XKR6: variants seen among roughly 807,000 people sequenced by gnomAD.
XKR6 encodes the protein XK related 6.
Under a neutral mutation model 56.7 loss-of-function variants are expected in XKR6, and 22 were observed. The ratio of observed to expected loss-of-function variants is 0.39; its 90% CI spans 0.28 to 0.55. XKR6 has a LOEUF of 0.55. Ranked by LOEUF, XKR6 falls within the 20% of genes least tolerant of loss-of-function variation. XKR6 has a pLI of 0.66. For synonymous variants in XKR6, 524 were observed against 387.8 expected (o/e 1.35, Z -4.13); for missense variants, 852 against 889.0 (o/e 0.96, Z 0.53).
intron 1 of XKR6, among the ~76,000 whole-genome samples, chr8:11,191,796 C>T (rs1056819635): frequency 5.9e-5 from 9 of 151,522 alleles, no homozygotes; most frequent in Admixed American, 2.0e-4. Flanking sequence ...GGAGAAAAAA[C>T]CCACAAGCAA....
intron 1 of XKR6, among the ~76,000 whole-genome samples, chr8:11,042,551 G>A (rs1260754724): frequency 1.3e-5 from 2 of 152,166 alleles, no homozygotes; most frequent in Non-Finnish European, 2.9e-5. Context: ...AAGCCTCCCA[G>A]CCAGGTGGAA....
At chr8:11,054,786 G>A (rs1799639544) in intron 1 of XKR6, among the ~76,000 whole-genome samples, 1 of 152,214 alleles carries the variant, frequency 6.6e-6, no homozygotes, top group Admixed American at 6.5e-5. Flanking sequence ...CGAGGGCGGG[G>A]GCTGCCAGGG....
At chr8:11,161,347 T>C (rs1801797232) in intron 1 of XKR6, among the ~76,000 whole-genome samples, 1 of 152,182 alleles carries the variant, frequency 6.6e-6, no homozygotes, top group Non-Finnish European at 1.5e-5. Context: ...CACAAAGCTA[T>C]CCATACCCTC....
At chr8:11,084,950 T>A (rs1037476240) in intron 1 of XKR6, among the ~76,000 whole-genome samples, 4 of 152,096 alleles carry the variant, frequency 2.6e-5, no homozygotes, top group African/African-American at 9.7e-5. Context: ...AAGAACAGCA[T>A]CCAAGGTGCA....
At chr8:11,054,724 G>A (rs1586483757) in intron 1 of XKR6, among the ~76,000 whole-genome samples, 1 of 152,242 alleles carries the variant, frequency 6.6e-6, no homozygotes, top group East Asian at 1.9e-4. Flanking sequence ...GTGGGAAGGA[G>A]GAAGGAAGTG....
chr8:10,917,797 A>C (rs186702294), intron 2 of XKR6, among the ~76,000 whole-genome samples: 7 of 152,294 alleles, frequency 4.6e-5, no homozygotes, highest in African/African-American at 1.7e-4. Flanking sequence ...CCTCTCACTA[A>C]CTGAGTCCGT....
intron 2 of XKR6, among the ~76,000 whole-genome samples, chr8:10,916,197 G>A (rs1017321520): frequency 2.6e-5 from 4 of 152,340 alleles, no homozygotes; most frequent in South Asian, 2.1e-4. Context: ...ATGCAATGTC[G>A]TTTGACGTAG....
chr8:11,099,199 G>A (rs1461286994), intron 1 of XKR6, among the ~76,000 whole-genome samples: 4 of 152,146 alleles, frequency 2.6e-5, no homozygotes, highest in Non-Finnish European at 5.9e-5. Context: ...TCTCTTAGCT[G>A]GGTACAGCAG....
At chr8:11,136,836 A>C (rs1800427063) in intron 1 of XKR6, 1 of 152,170 alleles carries the variant, frequency 6.6e-6, no homozygotes, top group African/African-American at 2.4e-5. Flanking sequence ...TAAAAGCCCA[A>C]ACTAAGATAC....
chr8:11,103,648 A>T (rs1214203166), intron 1 of XKR6, among the ~76,000 whole-genome samples: 1 of 152,170 alleles, frequency 6.6e-6, no homozygotes, highest in African/African-American at 2.4e-5. Flanking sequence ...CTAAGGGAGA[A>T]CTTCTGAGAT....
rs75375036 is a variant in XKR6, at chr8:11,039,635, G to C, written c.765-114805C>G. ...CAAGACCTTCTGGTGCGAGAGGGGA[G>C]AGCCCGGCGGTAACAGTTCCAGCCT... is the stretch of plus-strand genomic sequence containing the variant. On this transcript the variant is annotated intron_variant, in intron 1 of 2. Coordinates refer to ENST00000416569, the MANE Select transcript of XKR6 (RefSeq NM_173683.4). 8.2e-3 allele frequency among the ~76,000 whole-genome samples: 1,246 copies of C among 152,348 alleles called. 18 individuals carry two copies. The highest frequency in any genetic ancestry group is 0.029 in the African/African-American group (1,187 of 41,584).
intron 1 of XKR6, among the ~76,000 whole-genome samples, chr8:11,162,454 A>T (rs754194350): frequency 1.1e-4 from 16 of 152,226 alleles, no homozygotes; most frequent in Non-Finnish European, 1.5e-4. Context: ...TGGAAGGAAA[A>T]ACAAAACAAA....
chr8:11,115,186 ATG>A (rs1430128016), intron 1 of XKR6, among the ~76,000 whole-genome samples: 1 of 152,200 alleles, frequency 6.6e-6, no homozygotes, highest in Non-Finnish European at 1.5e-5. Flanking sequence ...GTTGCTGTCA[ATG>A]ACCTCAACTC....
chr8:10,951,539 C>G (rs1005950978), intron 1 of XKR6, among the ~76,000 whole-genome samples: 1 of 152,246 alleles, frequency 6.6e-6, no homozygotes, highest in Non-Finnish European at 1.5e-5. Context: ...CACTGCGTGG[C>G]TTCTTTCTGA....
At chr8:11,068,828 C>T (rs190123395) in intron 1 of XKR6, among the ~76,000 whole-genome samples, 3 of 152,178 alleles carry the variant, frequency 2.0e-5, no homozygotes, top group African/African-American at 2.4e-5. Flanking sequence ...CCTGCCCCCT[C>T]GGTGCCTGCT....
At chr8:10,976,080 G>A (rs1272534191) in intron 1 of XKR6, among the ~76,000 whole-genome samples, 1 of 152,074 alleles carries the variant, frequency 6.6e-6, no homozygotes, top group Non-Finnish European at 1.5e-5. Context: ...GGAGGCTGAG[G>A]CAGGAGAATG....
chr8:10,956,351 G>T lies in XKR6; in HGVS notation c.765-31521C>A, dbSNP rs572447415. 3.9e-5 allele frequency among the ~76,000 whole-genome samples: 6 copies of T among 152,170 alleles called. No individual in the cohort carries two copies. The South Asian group carries it at 1.2e-3, about 32-fold the overall frequency. On this transcript the variant is annotated intron_variant, in intron 1 of 2. Transcript: ENST00000416569. ...CGGGATGTGGTGGGGGTGGACACTA[G>T]TGGCTTGCCAGGCGTCTATCCCTGG...
chr8:10,924,496 G>T, intron 2 of XKR6, 138 bp downstream of exon 2: 1 of 1,008,746 alleles, frequency 9.9e-7, no homozygotes, highest in Non-Finnish European at 1.4e-6. Flanking sequence ...ACTGCACTGG[G>T]GGCCGGGCGT....
At chr8:10,973,614 C>G (rs889364621) in intron 1 of XKR6, among the ~76,000 whole-genome samples, 2 of 152,078 alleles carry the variant, frequency 1.3e-5, no homozygotes, top group East Asian at 3.9e-4. Context: ...TTAAAAGTCC[C>G]TGTTGCCCAG....
Sources: gnomAD v4.1 joint callset for allele counts (sites outside exome capture counted in the v4.1 genomes callset) on GRCh38, gnomAD v4.1.1 for gene constraint, MANE v1.5 for transcripts, NCBI Gene and HGNC (gene_info 2026-07-23, HGNC 2026-07-21) for gene names.